PDE8B: variants seen among roughly 807,000 people sequenced by gnomAD.
PDE8B encodes the protein phosphodiesterase 8B.
PDE8B carries 26 observed loss-of-function variants against 101.3 expected under a neutral mutation model. The observed-to-expected ratio is 0.26, with a 90% confidence interval of 0.19 to 0.36. The LOEUF is 0.36. Among genes scored for constraint, PDE8B ranks in the 10% least tolerant of loss-of-function variants. The pLI is 1.00. For missense variants in PDE8B, 810 were observed against 1,163.1 expected (o/e 0.70, Z 4.42); for synonymous variants, 424 against 429.3 (o/e 0.99, Z 0.15).
rs1279761719 is a variant in PDE8B at position 77,280,835 on chromosome 5, T to G, written c.340-31159T>G. Among the ~76,000 whole-genome samples the G allele has an allele frequency of 2.6e-5, 4 of 152,208 alleles. No individual in the cohort carries two copies. The East Asian group carries it at 7.7e-4, about 29-fold the overall frequency. On this transcript the variant is annotated intron_variant, in intron 1 of 21. Coordinates refer to ENST00000264917, the MANE Select transcript of PDE8B (RefSeq NM_003719.5). ...TCGCTTGAACCGGGGAGGTGGAGGTTGCAGTGAGCTAAGATCGCGCCACTG... is the reference window on the plus strand; with the variant it reads ...TCGCTTGAACCGGGGAGGTGGAGGTGGCAGTGAGCTAAGATCGCGCCACTG...
chr5:77,340,642 T>TGTGTGTGTGTG (rs5741527), intron 6 of PDE8B, among the ~76,000 whole-genome samples: 3 of 144,780 alleles, frequency 2.1e-5, no homozygotes, highest in African/African-American at 7.7e-5. Flanking sequence ...TGTGTGTGTG[T>TGTGTGTGTGTG]TGTTTTAGTG....
intron 1 of PDE8B, among the ~76,000 whole-genome samples, chr5:77,245,854 C>CCCCCCCCCCG (rs1756807720): frequency 1.3e-5 from 1 of 77,086 alleles, no homozygotes; most frequent in African/African-American, 7.6e-5. Flanking sequence ...CCCCCGCCCC[C>CCCCCCCCCCG]CCCCCCCAAC....
chr5:77,263,557 C>T (rs1192872598), intron 1 of PDE8B, among the ~76,000 whole-genome samples: 2 of 152,030 alleles, frequency 1.3e-5, no homozygotes, highest in East Asian at 3.9e-4. Context: ...TGTTTCCTTC[C>T]CCTACCCATC....
At chr5:77,245,231 C>T (rs934815941) in intron 1 of PDE8B, among the ~76,000 whole-genome samples, 1 of 152,152 alleles carries the variant, frequency 6.6e-6, no homozygotes, top group Non-Finnish European at 1.5e-5. Flanking sequence ...AAATACTCTC[C>T]TACTCTCCAA....
chr5:77,180,791 GACCT>G, the PDE8B span, among the ~76,000 whole-genome samples: 4 of 152,192 alleles, frequency 2.6e-5, no homozygotes, highest in African/African-American at 4.8e-5. Flanking sequence ...GCAGGAGCTG[GACCT>G]GTTTCTCCGT....
Position 77,426,540 on chromosome 5 carries a change from C to T in PDE8B, c.2644C>T (p.Pro882Ser). ...CCTAAAGTGCAAAAGTTTGAGGCTTCCATCTGACAGCTAAAGCCAAGCCAC... is the reference window on the plus strand; with the variant it reads ...CCTAAAGTGCAAAAGTTTGAGGCTTTCATCTGACAGCTAAAGCCAAGCCAC... ...DDLKCKSLRL[P>S]SDS is the part of the protein sequence containing the mutation. Residue 882 changes from proline (P) to serine (S), a missense_variant, in exon 22 of 22, where the codon CCA becomes TCA. Coordinates refer to ENST00000264917, the MANE Select transcript of PDE8B (RefSeq NM_003719.5). The T allele has an allele frequency of 6.2e-7, 1 of 1,602,930 alleles. No individual in the cohort carries two copies. The highest frequency in any genetic ancestry group is 8.5e-7 in the Non-Finnish European group (1 of 1,169,924).
At chr5:77,393,588 C>G (rs1480059724) in intron 10 of PDE8B, among the ~76,000 whole-genome samples, 1 of 152,144 alleles carries the variant, frequency 6.6e-6, no homozygotes, top group Admixed American at 6.5e-5. Flanking sequence ...ATTTTAGTCT[C>G]ACTATACTTG....
intron 5 of PDE8B, among the ~76,000 whole-genome samples, chr5:77,335,162 T>C (rs1265620727): frequency 6.6e-6 from 1 of 152,222 alleles, no homozygotes; most frequent in Non-Finnish European, 1.5e-5. Flanking sequence ...TGACTGTGTA[T>C]TATTTACAAA....
chr5:77,211,272 C>A lies in PDE8B; in HGVS notation c.339+8C>A, dbSNP rs754040283. ...TGCTACACCAGCGTGAAGGTAAATG[C>A]CCCGCGCTGGCACACGCCGTGGGGG... On this transcript the variant is annotated splice_region_variant and intron_variant, in intron 1 of 21. Transcript: ENST00000264917. This position sits in a 1 kb window ranked among gnomAD's most constrained non-coding sequence, Gnocchi z 4.1. 4.5e-6 allele frequency: 7 copies of A among 1,552,614 alleles called. No individual in the cohort carries two copies. The highest frequency in any genetic ancestry group is 3.7e-5 in the Admixed American group (2 of 54,462).
intron 17 of PDE8B, among the ~76,000 whole-genome samples, chr5:77,417,256 C>T (rs568061975): frequency 2.6e-4 from 40 of 152,304 alleles, no homozygotes; most frequent in Non-Finnish European, 4.9e-4. Flanking sequence ...GCAAAAAATA[C>T]ATTGGACAGT....
chr5:77,200,176 A>G, the PDE8B span, among the ~76,000 whole-genome samples: 8 of 152,156 alleles, frequency 5.3e-5, no homozygotes, highest in African/African-American at 1.2e-4. Flanking sequence ...TGCAACAAAA[A>G]CCAGAAACAA....
At position 77,211,136 on chromosome 5, in the gene PDE8B, C is replaced by G. The variant is rs764380392; in HGVS notation, c.211C>G (p.Arg71Gly). The G allele has an allele frequency of 3.3e-6, 5 of 1,522,836 alleles. No individual in the cohort carries two copies. The highest frequency in any genetic ancestry group is 2.4e-5 in the South Asian group (2 of 83,014). The allele number at this position is 1,522,836 out of a possible 1,614,324, so 94.3% of individuals were successfully genotyped here. Residue 71 changes from arginine (R) to glycine (G), a missense_variant, in exon 1 of 22, where the codon CGC (arginine) becomes GGC (glycine). Arg to Gly is a moderately radical substitution (Grantham distance 125). This residue lies in a region of PDE8B where 159 missense variants were observed against 146.6 expected (regional missense o/e 1.08). Transcript: ENST00000264917. The surrounding 1 kb of genome is among the most constrained non-coding windows in gnomAD (Gnocchi z 4.1). ...CAGCGTAGCCCGCGTCCGCAGGGCC[C>G]GCACCGAGCTGGGCAGCGGTAGCAG... is the stretch of plus-strand genomic sequence containing the variant. Reference protein sequence around the residue: ...PPSVARVRRARTELGSGSSAG... With the variant: ...PPSVARVRRAGTELGSGSSAG...
chr5:77,417,671 A>G (rs867443249), intron 17 of PDE8B, among the ~76,000 whole-genome samples: 5 of 152,248 alleles, frequency 3.3e-5, no homozygotes, highest in Middle Eastern at 3.4e-3. Flanking sequence ...CCAGAGCTGA[A>G]TTTTGTTCTT....
At chr5:77,244,504 C>T (rs553581813) in intron 1 of PDE8B, among the ~76,000 whole-genome samples, 10 of 152,232 alleles carry the variant, frequency 6.6e-5, no homozygotes, top group African/African-American at 2.4e-4. Context: ...TAGAGGCAAG[C>T]TTCTTAACAG....
chr5:77,092,776 C>G, the PDE8B span, among the ~76,000 whole-genome samples: 246 of 152,128 alleles, frequency 1.6e-3, 1 homozygote, highest in African/African-American at 5.6e-3. Context: ...AAAAATCACC[C>G]CAGCATGGTA....
chr5:77,260,383 G>C (rs1332124813), intron 1 of PDE8B, among the ~76,000 whole-genome samples: 1 of 152,028 alleles, frequency 6.6e-6, no homozygotes, highest in Non-Finnish European at 1.5e-5. Flanking sequence ...TTTCCTGTAA[G>C]GAGCATTTTA....
At chr5:77,382,537 C>G (rs1324977824) in intron 10 of PDE8B, among the ~76,000 whole-genome samples, 3 of 152,030 alleles carry the variant, frequency 2.0e-5, no homozygotes, top group Non-Finnish European at 4.4e-5. Flanking sequence ...ACCCATCAAC[C>G]CTTCACATTA....
chr5:77,416,769 A>G (rs1220773902), intron 17 of PDE8B, among the ~76,000 whole-genome samples: 1 of 152,134 alleles, frequency 6.6e-6, no homozygotes, highest in African/African-American at 2.4e-5. Flanking sequence ...GGGCTGAGCT[A>G]CAGGTTCACC....
At chr5:77,292,690 T>C (rs1018276563) in intron 1 of PDE8B, among the ~76,000 whole-genome samples, 11 of 152,234 alleles carry the variant, frequency 7.2e-5, no homozygotes, top group Non-Finnish European at 1.6e-4. Flanking sequence ...CTTGTCCTTT[T>C]CTTGACCCTT....
Sources: allele counts gnomAD v4.1 joint callset (sites outside exome capture counted in the v4.1 genomes callset), GRCh38; gene constraint gnomAD v4.1.1; regional missense constraint gnomAD v4.1.1; non-coding constraint Gnocchi (gnomAD v3.1); transcripts MANE v1.5; gene names NCBI Gene and HGNC (gene_info 2026-07-23, HGNC 2026-07-21).